Variants in TMEM178B observed in about 807,000 individuals in gnomAD.
The protein encoded by TMEM178B is transmembrane protein 178B.
In TMEM178B, 5 loss-of-function variants were observed where a neutral mutation model predicts 31.0. That is an observed-to-expected ratio of 0.16 (90% CI 0.08 to 0.34). TMEM178B has a LOEUF of 0.34. Among genes scored for constraint, TMEM178B ranks in the 10% least tolerant of loss-of-function variants. The pLI, the probability that TMEM178B is intolerant of heterozygous loss-of-function variation, is 1.00. For synonymous variants in TMEM178B, 164 were observed against 164.0 expected (o/e 1.00, Z 0.00); for missense variants, 275 against 400.3 (o/e 0.69, Z 2.67).
At chr7:141,205,348 A>T (rs530289779) in intron 1 of TMEM178B, among the ~76,000 whole-genome samples, 1 of 152,142 alleles carries the variant, frequency 6.6e-6, no homozygotes, top group Non-Finnish European at 1.5e-5. Flanking sequence ...CTACCTCACC[A>T]CTTGTAAAGT....
At chr7:141,087,617 A>C (rs1045602732) in intron 1 of TMEM178B, among the ~76,000 whole-genome samples, 2 of 152,246 alleles carry the variant, frequency 1.3e-5, no homozygotes, top group African/African-American at 4.8e-5. Flanking sequence ...TTCAGCGAGA[A>C]CTAGTAAAGA....
chr7:141,282,371 G>A (rs1253781226), intron 2 of TMEM178B, among the ~76,000 whole-genome samples: 3 of 152,216 alleles, frequency 2.0e-5, no homozygotes, highest in African/African-American at 7.2e-5. Context: ...GCAGTGGTTG[G>A]AGAGAGGATG....
At chr7:141,427,189 CT>C (rs1412448036) in intron 2 of TMEM178B, among the ~76,000 whole-genome samples, 2 of 152,180 alleles carry the variant, frequency 1.3e-5, no homozygotes, top group Non-Finnish European at 2.9e-5. Flanking sequence ...CAAAGACATT[CT>C]TCACAGAAAT....
intron 2 of TMEM178B, among the ~76,000 whole-genome samples, chr7:141,374,171 A>G (rs566941804): frequency 3.3e-5 from 5 of 152,276 alleles, no homozygotes; most frequent in South Asian, 4.1e-4. Flanking sequence ...CTCCTTCTTC[A>G]TAGCCTTGTG....
intron 2 of TMEM178B, among the ~76,000 whole-genome samples, chr7:141,386,024 A>G (rs781747121): frequency 2.0e-5 from 3 of 152,200 alleles, no homozygotes; most frequent in Non-Finnish European, 4.4e-5. Flanking sequence ...ACTTGCTACA[A>G]TATTCCTCTA....
intron 2 of TMEM178B, among the ~76,000 whole-genome samples, chr7:141,305,545 A>G (rs999641176): frequency 2.0e-5 from 3 of 151,976 alleles, no homozygotes; most frequent in African/African-American, 7.3e-5. Context: ...CTCCTGCCTC[A>G]GCCTCCCAAG....
At chr7:141,300,083 C>T (rs1175647350) in intron 2 of TMEM178B, among the ~76,000 whole-genome samples, 6 of 152,174 alleles carry the variant, frequency 3.9e-5, no homozygotes, top group African/African-American at 1.4e-4. Flanking sequence ...CATACCTGGC[C>T]CCGCTTGTTT....
rs1802446091 is a variant in TMEM178B, at chr7:141,480,087, G to C, written c.*9301G>C. ...TTGAAACTATTGTGATGTTCTGAGA[G>C]GTAAATTTAACAGGGAAGTGGGAGG... On this transcript the variant is annotated 3_prime_UTR_variant, in exon 4 of 4. Coordinates refer to ENST00000565468, the MANE Select transcript of TMEM178B (RefSeq NM_001195278.2). 6.6e-6 allele frequency: 1 copy of C among 152,114 alleles called. No individual in the cohort carries two copies. The highest frequency in any genetic ancestry group is 1.5e-5 in the Non-Finnish European group (1 of 68,026). The allele number at this position is 152,114 out of a possible 1,614,324, so 9.4% of individuals were successfully genotyped here.
intron 2 of TMEM178B, among the ~76,000 whole-genome samples, chr7:141,220,209 AGGCAG>A (rs1797232548): frequency 3.1e-5 from 1 of 32,444 alleles, no homozygotes; most frequent in African/African-American, 4.8e-4. Context: ...TGGGAGGCTG[AGGCAG>A]AGGCAGGAGA....
chr7:141,154,009 A>C (rs939974373), intron 1 of TMEM178B, among the ~76,000 whole-genome samples: 1 of 152,214 alleles, frequency 6.6e-6, no homozygotes, highest in Non-Finnish European at 1.5e-5. Context: ...AGTCTTGATG[A>C]ATATTTATTC....
At chr7:141,091,322 G>C (rs1794876739) in intron 1 of TMEM178B, among the ~76,000 whole-genome samples, 2 of 152,120 alleles carry the variant, frequency 1.3e-5, no homozygotes, top group African/African-American at 2.4e-5. Flanking sequence ...AAAATGGTGG[G>C]TAACCCTTTC....
Position 141,212,691 on chromosome 7 carries a change from G to C in TMEM178B, c.483G>C (p.Glu161Asp). The C allele has an allele frequency of 1.3e-6, 2 of 1,535,846 alleles. No homozygotes were observed. The highest frequency in any genetic ancestry group is 1.7e-6 in the Non-Finnish European group (2 of 1,146,664). Residue 161 changes from glutamate to aspartate, a missense_variant, in exon 2 of 4, where the codon GAG becomes GAC. Coordinates refer to ENST00000565468, the MANE Select transcript of TMEM178B (RefSeq NM_001195278.2). Reference sequence around the variant, plus strand: ...TCACGAAGACCATCCGTCAGGATGAGTGGCATGCCCTACGTAAGTGCACCT... The same window carrying C: ...TCACGAAGACCATCCGTCAGGATGACTGGCATGCCCTACGTAAGTGCACCT... ...FNITKTIRQD[E>D]WHALHLRRMT...
chr7:141,501,552 G>A, the TMEM178B span, among the ~76,000 whole-genome samples: 1 of 152,144 alleles, frequency 6.6e-6, no homozygotes, highest in Non-Finnish European at 1.5e-5. Flanking sequence ...GAATGTTGCT[G>A]TAAAAATATT....
At chr7:141,162,741 G>A (rs1796196320) in intron 1 of TMEM178B, among the ~76,000 whole-genome samples, 1 of 152,206 alleles carries the variant, frequency 6.6e-6, no homozygotes, top group African/African-American at 2.4e-5. Flanking sequence ...TCAAGAGGTG[G>A]TATTGTGTAG....
intron 2 of TMEM178B, among the ~76,000 whole-genome samples, chr7:141,231,828 C>T (rs1408236959): frequency 1.3e-5 from 2 of 152,202 alleles, no homozygotes; most frequent in Admixed American, 6.5e-5. Flanking sequence ...TTCCGGGGCA[C>T]ATGTGCACGA....
intron 2 of TMEM178B, among the ~76,000 whole-genome samples, chr7:141,326,523 C>A (rs1234951420): frequency 6.6e-6 from 1 of 152,088 alleles, no homozygotes; most frequent in African/African-American, 2.4e-5. Flanking sequence ...GTAATTAAGG[C>A]CTCCTGGGAA....
chr7:141,389,891 G>C (rs1332289924), intron 2 of TMEM178B, among the ~76,000 whole-genome samples: 1 of 152,162 alleles, frequency 6.6e-6, no homozygotes, highest in Non-Finnish European at 1.5e-5. Context: ...AGGTCTGCCT[G>C]GGATGTCTAG....
At chr7:141,399,877 G>A (rs1318537254) in intron 2 of TMEM178B, among the ~76,000 whole-genome samples, 1 of 151,884 alleles carries the variant, frequency 6.6e-6, no homozygotes, top group East Asian at 1.9e-4. Flanking sequence ...AATTTTCATT[G>A]CTCCTCCCTT....
At chr7:141,407,913 T>C (rs1365124007) in intron 2 of TMEM178B, among the ~76,000 whole-genome samples, 1 of 152,228 alleles carries the variant, frequency 6.6e-6, no homozygotes, top group Non-Finnish European at 1.5e-5. Flanking sequence ...TATGATGCTT[T>C]AAAGTTGAAG....
Sources: gnomAD v4.1 joint callset for allele counts (sites outside exome capture counted in the v4.1 genomes callset) on GRCh38, gnomAD v4.1.1 for gene constraint, MANE v1.5 for transcripts, NCBI Gene and HGNC (gene_info 2026-07-23, HGNC 2026-07-21) for gene names.